Variants in ESYT2 observed in about 807,000 individuals in gnomAD.
ESYT2 encodes extended synaptotagmin-2.
In ESYT2, 54 loss-of-function variants were observed where a neutral mutation model predicts 107.2. The ratio of observed to expected loss-of-function variants is 0.50; its 90% CI spans 0.40 to 0.63. The LOEUF (loss-of-function observed/expected upper bound fraction) is 0.63, where lower values mean the gene tolerates loss of function less well. ESYT2 is among the 30% of genes least tolerant of loss of function. The pLI is 0.00. For missense variants in ESYT2, 1,020 were observed against 1,094.5 expected, an observed-to-expected ratio of 0.93 and a Z score of 0.96; for synonymous variants, 491 against 434.1, an observed-to-expected ratio of 1.13 and a Z score of -1.63.
At chr7:158,796,171 C>T (rs1839452373) in intron 3 of ESYT2, among the ~76,000 whole-genome samples, 1 of 152,162 alleles carries the variant, frequency 6.6e-6, no homozygotes, top group Non-Finnish European at 1.5e-5. Flanking sequence ...CGTGTGCAGA[C>T]TGTGTGTGTG....
Position 158,809,203 on chromosome 7 carries a change from CGT to C in ESYT2, c.331-10133_331-10132del, listed in dbSNP as rs1200009952. On this transcript the variant is annotated intron_variant, in intron 1 of 22. Coordinates refer to ENST00000275418, the MANE Select transcript of ESYT2 (RefSeq NM_001367773.1). ...TGGGCAAAAGTGACGGGGCGTGGTG[CGT>C]GGTGGCTCATACCTGTAATCCCAGC... Among the ~76,000 whole-genome samples, 3 of 151,526 alleles carry C rather than the reference CGT, an allele frequency of 2.0e-5. No individual in the cohort carries two copies. In the East Asian group the frequency reaches 5.9e-4, roughly 30 times the overall value.
intron 4 of ESYT2, 57 bp downstream of exon 4, chr7:158,793,593 G>T: frequency 7.8e-7 from 1 of 1,279,972 alleles, no homozygotes; most frequent in Non-Finnish European, 1.1e-6. Context: ...TACAGGTACA[G>T]CTAAGTGACA....
chr7:158,828,967 G>A, intron 1 of ESYT2, 122 bp downstream of exon 1: 1 of 1,413,346 alleles, frequency 7.1e-7, no homozygotes, highest in Non-Finnish European at 9.2e-7. Flanking sequence ...GGCGGGAGCC[G>A]GGGCAGGGCT....
At position 158,764,822 on chromosome 7, in the gene ESYT2, T is replaced by C. The variant is rs746020319; in HGVS notation, c.956A>G (p.Gln319Arg). The change falls in exon 9 of 23, where the codon CAG becomes CGG. Residue 319 changes from glutamine (Q) to arginine (R), a missense_variant. Transcript: ENST00000275418. Reference sequence around the variant, plus strand: ...GTAAGTGTCTTTCCCCTGAAGATCCTGAGCTTCAATAAAATGTATCCTTAG... The same window carrying C: ...GTAAGTGTCTTTCCCCTGAAGATCCCGAGCTTCAATAAAATGTATCCTTAG... ...GVLRIHFIEA[Q>R]DLQGKDTYLK... 6.2e-7 allele frequency: 1 copy of C among 1,614,148 alleles called. No homozygotes were observed. Among genetic ancestry groups the C allele is most frequent in the South Asian group, 1.1e-5 (1 of 91,078 alleles).
At chr7:158,769,926 ATTAAT>A (rs1409017124) in intron 7 of ESYT2, among the ~76,000 whole-genome samples, 3 of 151,692 alleles carry the variant, frequency 2.0e-5, no homozygotes, top group Non-Finnish European at 4.4e-5. Flanking sequence ...TATTTTTTTA[ATTAAT>A]TTATTTTTTT....
At chr7:158,814,285 A>ATTTT (rs1563038379) in intron 1 of ESYT2, among the ~76,000 whole-genome samples, 1 of 105,136 alleles carries the variant, frequency 9.5e-6, no homozygotes, top group African/African-American at 3.8e-5. Flanking sequence ...AAAAAAAAAA[A>ATTTT]ATTATATATA....
intron 1 of ESYT2, among the ~76,000 whole-genome samples, chr7:158,823,635 A>G (rs779650325): frequency 5.9e-5 from 9 of 152,056 alleles, no homozygotes; most frequent in South Asian, 2.1e-4. Flanking sequence ...CCTGATGTCT[A>G]TATTTTTTAA....
intron 1 of ESYT2, 31 bp downstream of exon 1, chr7:158,829,058 G>C (rs1452698965): frequency 6.4e-7 from 1 of 1,570,328 alleles, no homozygotes. Context: ...CTGGTGGTCA[G>C]GGGTCGGGAC....
At chr7:158,776,869 T>C (rs1838584272) in intron 6 of ESYT2, among the ~76,000 whole-genome samples, 1 of 152,018 alleles carries the variant, frequency 6.6e-6, no homozygotes, top group South Asian at 2.1e-4. Flanking sequence ...TTTTTTTTTT[T>C]TGAGACAGAG....
Position 158,829,368 on chromosome 7 carries a change from C to A in ESYT2, c.51G>T (p.Gly17=), listed in dbSNP as rs979183426. ...EGPEAGAGGA[G]GRAAPENPGG... ...CGGGGTTCTCAGGCGCCGCGCGGCC[C>A]CCAGCCCCGCCGGCGCCCGCCTCCG... The change falls in exon 1 of 23, where the codon GGG becomes GGT. Residue 17 remains glycine (G), a synonymous_variant. Transcript: ENST00000275418. 25 of 1,286,446 alleles carry A rather than the reference C, an allele frequency of 1.9e-5. No individual in the cohort carries two copies. The highest frequency in any genetic ancestry group is 2.3e-5 in the Non-Finnish European group (24 of 1,024,442). 79.7% of individuals were successfully genotyped at this position (1,286,446 alleles called of 1,614,324 possible).
At chr7:158,782,375 A>C in intron 6 of ESYT2, among the ~76,000 whole-genome samples, 1 of 88,690 alleles carries the variant, frequency 1.1e-5, no homozygotes, top group African/African-American at 4.6e-5. Context: ...CGAGTGTGAG[A>C]ACAAAGTGAG....
intron 14 of ESYT2, among the ~76,000 whole-genome samples, 164 bp from the exon 15 acceptor site, chr7:158,749,887 A>AC (rs1329254659): frequency 6.6e-6 from 1 of 152,210 alleles, no homozygotes; most frequent in East Asian, 1.9e-4. Context: ...AGCTACACAC[A>AC]CCCCAAACCA....
At chr7:158,812,052 G>T (rs562495865) in intron 1 of ESYT2, among the ~76,000 whole-genome samples, 4 of 152,208 alleles carry the variant, frequency 2.6e-5, no homozygotes, top group Non-Finnish European at 5.9e-5. Context: ...AACATCTGGA[G>T]GGCTGGGCCT....
intron 18 of ESYT2, 125 bp from the exon 19 acceptor site, chr7:158,739,246 G>T: frequency 2.7e-6 from 2 of 738,488 alleles, no homozygotes; most frequent in Non-Finnish European, 4.3e-6. Flanking sequence ...AATTACCCAT[G>T]AACTTAAACA....
chr7:158,766,973 TATTTA>T (rs1444974623), intron 8 of ESYT2, among the ~76,000 whole-genome samples: 1 of 152,210 alleles, frequency 6.6e-6, no homozygotes, highest in Non-Finnish European at 1.5e-5. Context: ...TGCAGTTATT[TATTTA>T]GTTTGCTCAA....
Position 158,763,405 on chromosome 7 carries a change from C to T in ESYT2, c.1102-240G>A, listed in dbSNP as rs557044814. The stretch of plus-strand genomic sequence containing the variant: ...CGCCTCCTGGGTTCAAGCGATTCTC[C>T]TGCCTCAGCCTCCCAAGTAGCTGGG... On this transcript the variant is annotated intron_variant, in intron 9 of 22. Transcript: ENST00000275418. 8.5e-5 allele frequency among the ~76,000 whole-genome samples: 13 copies of T among 152,170 alleles called. No homozygotes were observed. The South Asian group carries it at 1.2e-3, about 15-fold the overall frequency.
intron 6 of ESYT2, among the ~76,000 whole-genome samples, chr7:158,785,809 GTTT>G (rs895940373): frequency 6.6e-6 from 1 of 152,016 alleles, no homozygotes; most frequent in African/African-American, 2.4e-5. Context: ...AATATTTAGG[GTTT>G]TTTTCCTTCA....
chr7:158,822,983 C>T (rs1302936335), intron 1 of ESYT2, among the ~76,000 whole-genome samples: 1 of 151,962 alleles, frequency 6.6e-6, no homozygotes, highest in Non-Finnish European at 1.5e-5. Flanking sequence ...AACTGACCAC[C>T]TTTTCATCCA....
chr7:158,767,690 T>C lies in ESYT2; in HGVS notation c.888A>G (p.Glu296=). 6.2e-7 allele frequency: 1 copy of C among 1,612,894 alleles called. No homozygotes were observed. Among genetic ancestry groups the C allele is most frequent in the Non-Finnish European group, 8.5e-7 (1 of 1,179,390 alleles). Residue 296 remains glutamate, a synonymous_variant, in exon 8 of 23, where the codon GAA becomes GAG. Coordinates refer to ENST00000275418, the MANE Select transcript of ESYT2 (RefSeq NM_001367773.1). ...PNRITVPLVS[E]VQIAQLRFPV... is the part of the protein sequence containing the mutation. Reference sequence around the variant, plus strand: ...GAAACCGCAACTGAGCTATTTGAACTTCACTGACAAGTGGAACGGTGATTC... The same window carrying C: ...GAAACCGCAACTGAGCTATTTGAACCTCACTGACAAGTGGAACGGTGATTC...
Sources: gnomAD v4.1 joint callset for allele counts (sites outside exome capture counted in the v4.1 genomes callset) on GRCh38, gnomAD v4.1.1 for gene constraint, MANE v1.5 for transcripts, NCBI Gene and HGNC (gene_info 2026-07-23, HGNC 2026-07-21) for gene names.